The following OR1B1 variants were observed in gnomAD, a reference collection of about 807,000 sequenced individuals.
The protein encoded by OR1B1 is olfactory receptor family 1 subfamily B member 1, also known as olfactory receptor 1B1.
For synonymous variants in OR1B1, 168 were observed against 156.2 expected (o/e 1.08, Z -0.57); for missense variants, 414 against 402.1 (o/e 1.03, Z -0.25).
chr9:122,629,206 C>A, exon 1 of OR1B1: 3 of 1,613,950 alleles, frequency 1.9e-6, no homozygotes, highest in Non-Finnish European at 2.5e-6. Flanking sequence ...TATCTGTAAC[C>A]CCAAATGCAT....
the OR1B1 span, among the ~76,000 whole-genome samples, chr9:122,656,151 G>A: frequency 6.6e-6 from 1 of 152,092 alleles, no homozygotes; most frequent in African/African-American, 2.4e-5. Flanking sequence ...TGTTGTTGTT[G>A]TTGTTATTTG....
At chr9:122,634,576 G>A in the OR1B1 span, among the ~76,000 whole-genome samples, 6 of 152,082 alleles carry the variant, frequency 3.9e-5, no homozygotes, top group South Asian at 4.2e-4. Flanking sequence ...ATAAGATCTC[G>A]TGAGAATGCA....
chr9:122,640,327 C>T, the OR1B1 span, among the ~76,000 whole-genome samples: 1 of 152,044 alleles, frequency 6.6e-6, no homozygotes, highest in Non-Finnish European at 1.5e-5. Context: ...GAAGCCTCCC[C>T]AAGAACAAAC....
the OR1B1 span, among the ~76,000 whole-genome samples, chr9:122,640,709 C>A: frequency 6.6e-6 from 1 of 152,092 alleles, no homozygotes; most frequent in South Asian, 2.1e-4. Context: ...TCTGGATATA[C>A]AAGAGAAGAG....
the OR1B1 span, among the ~76,000 whole-genome samples, chr9:122,641,339 T>C: frequency 3.9e-5 from 6 of 152,370 alleles, no homozygotes; most frequent in East Asian, 1.2e-3. Context: ...GTGTTTCTTC[T>C]AAACCTTTCT....
upstream of OR1B1, chr9:122,629,637 TA>T (rs201829365): frequency 2.7e-3 from 1,974 of 721,824 alleles, 27 homozygotes; most frequent in African/African-American, 0.031. Flanking sequence ...ATTACGTTAC[TA>T]AAGATCGTTA....
At chr9:122,642,138 A>C in the OR1B1 span, among the ~76,000 whole-genome samples, 1 of 152,052 alleles carries the variant, frequency 6.6e-6, no homozygotes. Flanking sequence ...GAACATCAAG[A>C]ATGGGAACAG....
At chr9:122,628,952 C>A in exon 1 of OR1B1, 3 of 1,614,080 alleles carry the variant, frequency 1.9e-6, no homozygotes, top group South Asian at 1.1e-5. Context: ...TATGTCAGAA[C>A]AAGAGGCTCG....
chr9:122,646,466 A>C, the OR1B1 span, among the ~76,000 whole-genome samples: 1 of 152,058 alleles, frequency 6.6e-6, no homozygotes, highest in Non-Finnish European at 1.5e-5. Flanking sequence ...CACTTCACCT[A>C]TAAAGACACA....
At chr9:122,649,982 G>T in the OR1B1 span, among the ~76,000 whole-genome samples, 1 of 152,122 alleles carries the variant, frequency 6.6e-6, no homozygotes, top group Non-Finnish European at 1.5e-5. Flanking sequence ...CAATAGCAAA[G>T]ACTTGGAACC....
chr9:122,656,539 A>T, the OR1B1 span, among the ~76,000 whole-genome samples: 9 of 152,146 alleles, frequency 5.9e-5, no homozygotes, highest in South Asian at 1.9e-3. Context: ...TCACATATGC[A>T]CTTCCTCACC....
At chr9:122,635,148 A>C in the OR1B1 span, among the ~76,000 whole-genome samples, 573 of 152,346 alleles carry the variant, frequency 3.8e-3, 3 homozygotes, top group Non-Finnish European at 5.2e-3. Context: ...TTAATGAATG[A>C]ATGGCTAAAG....
At chr9:122,632,832 G>C (rs907171399), upstream of OR1B1, among the ~76,000 whole-genome samples, 10 of 152,132 alleles carry the variant, frequency 6.6e-5, no homozygotes, top group African/African-American at 2.4e-4. Flanking sequence ...AAGGGGGGTT[G>C]TATTAGTTTG....
At chr9:122,630,345 T>G (rs1382895219), upstream of OR1B1, among the ~76,000 whole-genome samples, 1 of 152,238 alleles carries the variant, frequency 6.6e-6, no homozygotes, top group Non-Finnish European at 1.5e-5. Flanking sequence ...ATCAGCCTGA[T>G]GCACAAACAA....
chr9:122,633,910 C>G (rs1421420684), upstream of OR1B1, among the ~76,000 whole-genome samples: 1 of 122,566 alleles, frequency 8.2e-6, no homozygotes, highest in Non-Finnish European at 1.6e-5. Flanking sequence ...GCTTGGGTGA[C>G]AGGGTGAGAC....
chr9:122,644,198 T>C, the OR1B1 span, among the ~76,000 whole-genome samples: 1 of 152,196 alleles, frequency 6.6e-6, no homozygotes, highest in Admixed American at 6.5e-5. Flanking sequence ...ATAACATTTC[T>C]GGACCTGCTC....
At chr9:122,641,245 T>A in the OR1B1 span, among the ~76,000 whole-genome samples, 1 of 152,224 alleles carries the variant, frequency 6.6e-6, no homozygotes, top group African/African-American at 2.4e-5. Context: ...TGTGTGCATG[T>A]ATGTGTATAT....
chr9:122,649,703 C>A, the OR1B1 span, among the ~76,000 whole-genome samples: 1 of 152,186 alleles, frequency 6.6e-6, no homozygotes, highest in African/African-American at 2.4e-5. Context: ...AATGAGATAC[C>A]ATTTCACACC....
chr9:122,633,790 C>G (rs905759873), upstream of OR1B1, among the ~76,000 whole-genome samples: 3 of 151,810 alleles, frequency 2.0e-5, no homozygotes, highest in African/African-American at 7.3e-5. Flanking sequence ...ATTAGCCCGG[C>G]ATGGTGGGAC....
Sources: gnomAD v4.1 joint callset for allele counts (sites outside exome capture counted in the v4.1 genomes callset) on GRCh38, gnomAD v4.1.1 for gene constraint, MANE v1.5 for transcripts, NCBI Gene and HGNC (gene_info 2026-07-23, HGNC 2026-07-21) for gene names.